Variants in KIAA1217 observed in about 807,000 individuals in gnomAD.
KIAA1217 encodes the protein sickle tail protein homolog.
KIAA1217 carries 88 observed loss-of-function variants against 163.9 expected under a neutral mutation model. That is an observed-to-expected ratio of 0.54 (90% confidence interval 0.45 to 0.64). KIAA1217 has a LOEUF of 0.64. Among genes scored for constraint, KIAA1217 ranks in the 30% least tolerant of loss-of-function variants. KIAA1217 has a pLI of 0.00. For synonymous variants in KIAA1217, 903 were observed against 923.1 expected (o/e 0.98, Z 0.39); for missense variants, 2,372 against 2,475.0 (o/e 0.96, Z 0.88).
Position 23,866,874 on chromosome 10 carries a change from G to A in KIAA1217, c.-320-140351G>A, listed in dbSNP as rs1456653276. On this transcript the variant is annotated intron_variant, in intron 1 of 18. Transcript: ENST00000376462. The stretch of plus-strand genomic sequence containing the variant: ...TTCTTTTATTATTATTATACTTTAA[G>A]TTTTAGGGTACATGTGCACAATGTG... Among the ~76,000 whole-genome samples, 3 of 151,254 alleles carry A rather than the reference G, an allele frequency of 2.0e-5. No individual in the cohort carries two copies. The South Asian group carries it at 6.3e-4, about 32-fold the overall frequency.
intron 1 of KIAA1217, among the ~76,000 whole-genome samples, chr10:23,756,921 C>G (rs1426660245): frequency 4.6e-5 from 7 of 152,182 alleles, no homozygotes; most frequent in Non-Finnish European, 1.5e-5. Flanking sequence ...ACAATACTGT[C>G]TGTATGATTT....
At chr10:24,517,952 G>A (rs1247473509) in intron 10 of KIAA1217, among the ~76,000 whole-genome samples, 1 of 152,014 alleles carries the variant, frequency 6.6e-6, no homozygotes, top group East Asian at 1.9e-4. Flanking sequence ...CTAAGATCAG[G>A]CCACTGCACT....
At position 24,295,063 on chromosome 10, in the gene KIAA1217, A is replaced by G. The variant is rs79315836; in HGVS notation, c.354+75154A>G. ...TGGGCTGACCTAAAACCAACATAGTATTGGGCATTGAAGTAAGGAGAAATA... is the reference window on the plus strand; with the variant it reads ...TGGGCTGACCTAAAACCAACATAGTGTTGGGCATTGAAGTAAGGAGAAATA... On this transcript the variant is annotated intron_variant, in intron 2 of 20. Transcript: ENST00000376454. Among the ~76,000 whole-genome samples, 1,506 of 152,334 alleles carry G rather than the reference A, an allele frequency of 9.9e-3. 29 individuals are homozygous for G. Among genetic ancestry groups the G allele is most frequent in the East Asian group, 0.083 (433 of 5,186 alleles).
chr10:24,036,380 A>G (rs2131547719), intron 2 of KIAA1217, among the ~76,000 whole-genome samples: 1 of 152,342 alleles, frequency 6.6e-6, no homozygotes, highest in African/African-American at 2.4e-5. Flanking sequence ...GCCCAGAAGT[A>G]CAATGAATAA....
intron 1 of KIAA1217, among the ~76,000 whole-genome samples, chr10:23,744,150 T>A (rs1200102744): frequency 6.6e-6 from 1 of 152,150 alleles, no homozygotes; most frequent in Non-Finnish European, 1.5e-5. Context: ...CTTGGAATTA[T>A]GGGCTTTAAA....
chr10:24,126,504 T>C (rs2063478389), intron 2 of KIAA1217, among the ~76,000 whole-genome samples: 1 of 152,188 alleles, frequency 6.6e-6, no homozygotes. Context: ...GTGATGCAGT[T>C]CTTCTCATGA....
At chr10:23,849,568 C>G (rs1052043999) in intron 1 of KIAA1217, among the ~76,000 whole-genome samples, 2 of 152,188 alleles carry the variant, frequency 1.3e-5, no homozygotes, top group East Asian at 3.9e-4. Context: ...AGCTTCGCAT[C>G]TCACTCTCTG....
At chr10:23,873,046 A>G (rs2131167568) in intron 1 of KIAA1217, among the ~76,000 whole-genome samples, 1 of 152,208 alleles carries the variant, frequency 6.6e-6, no homozygotes, top group East Asian at 1.9e-4. Flanking sequence ...AGAAATATAG[A>G]ATATCTCACT....
At chr10:24,239,110 G>T (rs1156811241) in intron 2 of KIAA1217, 1 of 976,892 alleles carries the variant, frequency 1.0e-6, no homozygotes, top group African/African-American at 1.8e-5. Flanking sequence ...CAAGACAGCC[G>T]ATTTAACAAG....
In KIAA1217 at chr10:24,073,965, CAT is replaced by C. The variant is rs1273515703; in HGVS notation, c.-171+66592_-171+66593del. On this transcript the variant is annotated intron_variant, in intron 2 of 18. Coordinates refer to the KIAA1217 transcript ENST00000376462. Reference sequence around the variant, plus strand: ...CTTTCAACTCTCCGATCTGGGGATACATTGTGTACTGCAGTAGAACAAAATGC... The same window carrying C: ...CTTTCAACTCTCCGATCTGGGGATACTGTGTACTGCAGTAGAACAAAATGC... Among the ~76,000 whole-genome samples, 54 of 152,190 alleles carry C rather than the reference CAT, an allele frequency of 3.5e-4. No homozygotes were observed. In the East Asian group the frequency reaches 9.5e-3, roughly 27 times the overall value.
chr10:23,727,253 G>A (rs540753584), intron 1 of KIAA1217, among the ~76,000 whole-genome samples: 1 of 151,832 alleles, frequency 6.6e-6, no homozygotes, highest in South Asian at 2.1e-4. Flanking sequence ...GGCCTCCCAG[G>A]CATCTTTCTA....
chr10:24,343,544 T>A (rs2047363473), intron 2 of KIAA1217, among the ~76,000 whole-genome samples: 1 of 152,238 alleles, frequency 6.6e-6, no homozygotes, highest in Admixed American at 6.5e-5. Flanking sequence ...CTCCAGTTGT[T>A]AAAGTTTGCA....
At chr10:24,245,797 AT>A (rs112794379) in intron 2 of KIAA1217, among the ~76,000 whole-genome samples, 54,286 of 145,728 alleles carry the variant, frequency 0.37, 10,214 homozygotes, top group East Asian at 0.56. Context: ...ACACCAACTA[AT>A]TTTTTTTTTT....
chr10:24,152,553 T>A (rs531460180), intron 2 of KIAA1217, among the ~76,000 whole-genome samples: 1 of 152,236 alleles, frequency 6.6e-6, no homozygotes, highest in Non-Finnish European at 1.5e-5. Context: ...TGGCTTTAAG[T>A]GTGATGATGG....
At chr10:24,090,326 C>CCTG (rs768340844) in intron 2 of KIAA1217, among the ~76,000 whole-genome samples, 1 of 135,776 alleles carries the variant, frequency 7.4e-6, no homozygotes, top group Non-Finnish European at 1.5e-5. Flanking sequence ...ACCCTCACAT[C>CCTG]CTGCTCTTTT....
At position 23,971,471 on chromosome 10, in the gene KIAA1217, A is replaced by G. The variant is rs567243828; in HGVS notation, c.-320-35754A>G. On this transcript the variant is annotated intron_variant, in intron 1 of 18. Coordinates refer to the KIAA1217 transcript ENST00000376462. The stretch of plus-strand genomic sequence containing the variant: ...CACCTACCTGATTGGTTGGGGGGGA[A>G]CCTCCTCTGCCCTGTTCATGTCTGC... 2.6e-5 allele frequency among the ~76,000 whole-genome samples: 4 copies of G among 152,160 alleles called. No individual in the cohort carries two copies. The East Asian group carries it at 5.8e-4, about 22-fold the overall frequency.
At chr10:24,198,994 A>C (rs1029177588) in intron 2 of KIAA1217, among the ~76,000 whole-genome samples, 1 of 152,192 alleles carries the variant, frequency 6.6e-6, no homozygotes, top group African/African-American at 2.4e-5. Flanking sequence ...TGAGGTGGAA[A>C]GACCAGGTGA....
chr10:24,352,636 C>A (rs1369885873), intron 2 of KIAA1217, among the ~76,000 whole-genome samples: 1 of 151,998 alleles, frequency 6.6e-6, no homozygotes, highest in Non-Finnish European at 1.5e-5. Flanking sequence ...AGTTACTGTT[C>A]CCAGAGGCAA....
In KIAA1217 at chr10:24,073,512, C is replaced by T. The variant is rs115033417; in HGVS notation, c.-171+66138C>T. Among the ~76,000 whole-genome samples the T allele has an allele frequency of 5.8e-3, 882 of 152,254 alleles. 6 individuals are homozygous for T. Among genetic ancestry groups the T allele is most frequent in the African/African-American group, 0.02 (812 of 41,538 alleles). ...TTTGGAAGTTATCAGCTTATTTGAG[C>T]TTTGCATAAGGATAAAATCATCCAG... On this transcript the variant is annotated intron_variant, in intron 2 of 18. Transcript: ENST00000376462.
Sources: allele counts gnomAD v4.1 joint callset (sites outside exome capture counted in the v4.1 genomes callset), GRCh38; gene constraint gnomAD v4.1.1; transcripts MANE v1.5; gene names NCBI Gene and HGNC (gene_info 2026-07-23, HGNC 2026-07-21).